TUSC3: variants seen among roughly 807,000 people sequenced by gnomAD.
TUSC3 encodes the protein dolichyl-diphosphooligosaccharide--protein glycosyltransferase subunit TUSC3.
TUSC3 carries 45 observed loss-of-function variants against 44.8 expected under a neutral mutation model. The ratio of observed to expected loss-of-function variants is 1.00; its 90% CI spans 0.79 to 1.29. TUSC3 has a LOEUF of 1.29. Ranked by LOEUF, TUSC3 falls within the 50% of genes most tolerant of loss-of-function variation. TUSC3 has a pLI of 0.00. For missense variants in TUSC3, 519 were observed against 437.9 expected (o/e 1.19, Z -1.65); for synonymous variants, 212 against 152.9 (o/e 1.39, Z -2.85).
chr8:15,438,366 G>GGT, intron 1 of TUSC3, among the ~76,000 whole-genome samples: 1 of 152,300 alleles, frequency 6.6e-6, no homozygotes, highest in Non-Finnish European at 1.5e-5. Flanking sequence ...AAAGTGCTGG[G>GGT]ATTACAGGCG....
At chr8:15,819,372 C>T in the TUSC3 span, among the ~76,000 whole-genome samples, 6 of 111,046 alleles carry the variant, frequency 5.4e-5, no homozygotes, top group South Asian at 1.5e-3. Context: ...CTCTTCCAAT[C>T]ATCTTGGTTT....
chr8:15,827,726 T>G, the TUSC3 span, among the ~76,000 whole-genome samples: 1 of 152,144 alleles, frequency 6.6e-6, no homozygotes, highest in Admixed American at 6.5e-5. Flanking sequence ...ACTGAACCAT[T>G]TGCCCCAGAA....
intron 6 of TUSC3, among the ~76,000 whole-genome samples, chr8:15,687,530 C>A (rs114181910): frequency 6.6e-6 from 1 of 152,118 alleles, no homozygotes; most frequent in East Asian, 1.9e-4. Flanking sequence ...CTGTTGTTGC[C>A]GCTCATTCCT....
At chr8:15,713,609 C>G (rs982416292) in intron 6 of TUSC3, among the ~76,000 whole-genome samples, 12 of 152,056 alleles carry the variant, frequency 7.9e-5, no homozygotes, top group African/African-American at 2.9e-4. Flanking sequence ...GTCAGCAGGG[C>G]GAGTTTGAGG....
chr8:15,662,019 A>G, intron 4 of TUSC3, 137 bp from the exon 5 acceptor site: 1 of 888,704 alleles, frequency 1.1e-6, no homozygotes, highest in Non-Finnish European at 1.8e-6. Context: ...GAATGAAAGT[A>G]GTGCTAGTGT....
At chr8:15,594,703 C>G (rs1434811923) in intron 1 of TUSC3, among the ~76,000 whole-genome samples, 1 of 152,172 alleles carries the variant, frequency 6.6e-6, no homozygotes, top group African/African-American at 2.4e-5. Context: ...GGCACTATTA[C>G]TGGTCCTCTG....
intron 1 of TUSC3, among the ~76,000 whole-genome samples, chr8:15,592,770 A>G (rs779627851): frequency 2.6e-5 from 4 of 152,166 alleles, no homozygotes; most frequent in African/African-American, 4.8e-5. Context: ...TACTGTTCTG[A>G]GTTCTTGTAA....
intron 2 of TUSC3, among the ~76,000 whole-genome samples, chr8:15,532,243 C>A (rs905044437): frequency 6.6e-6 from 1 of 152,008 alleles, no homozygotes; most frequent in Non-Finnish European, 1.5e-5. Context: ...TAAAGAATAA[C>A]AGATCAAAAA....
At position 15,637,149 on chromosome 8, in the gene TUSC3, G is replaced by T. The variant is rs561825054; in HGVS notation, c.309-13548G>T. Reference sequence around the variant, plus strand: ...TATTATATCGTAGTTTAAAATACCAGTTCTATTTCATTGTTTTGTTTTTCT... The same window carrying T: ...TATTATATCGTAGTTTAAAATACCATTTCTATTTCATTGTTTTGTTTTTCT... On this transcript the variant is annotated intron_variant, in intron 2 of 10. Transcript: ENST00000503731. Among the ~76,000 whole-genome samples the T allele has an allele frequency of 9.4e-4, 143 of 152,200 alleles. 1 individual carries two copies. The highest frequency in any genetic ancestry group is 3.2e-3 in the African/African-American group (131 of 41,548).
the TUSC3 span, among the ~76,000 whole-genome samples, chr8:15,840,245 G>A: frequency 1.3e-5 from 2 of 152,128 alleles, no homozygotes. Context: ...GGGAAGGAGG[G>A]AGGGAAAGCA....
intron 3 of TUSC3, among the ~76,000 whole-genome samples, chr8:15,656,975 G>A (rs1173273035): frequency 2.0e-5 from 3 of 152,190 alleles, no homozygotes; most frequent in Non-Finnish European, 4.4e-5. Context: ...GGGCAGCTGA[G>A]GAGCACTACA....
intron 5 of TUSC3, among the ~76,000 whole-genome samples, chr8:15,673,497 T>G (rs1449341134): frequency 6.6e-6 from 1 of 152,094 alleles, no homozygotes; most frequent in Non-Finnish European, 1.5e-5. Flanking sequence ...TTACATATGT[T>G]ATCCGATGTA....
intron 2 of TUSC3, among the ~76,000 whole-genome samples, chr8:15,638,794 G>A (rs1416360644): frequency 6.6e-6 from 1 of 152,158 alleles, no homozygotes; most frequent in Non-Finnish European, 1.5e-5. Context: ...CCAAAGTGCT[G>A]GGATTACAGG....
intron 2 of TUSC3, among the ~76,000 whole-genome samples, chr8:15,516,251 T>C (rs927594572): frequency 9.2e-5 from 14 of 152,216 alleles, no homozygotes; most frequent in African/African-American, 2.4e-5. Context: ...TAGTTAGTAT[T>C]AAAACAATTA....
chr8:15,803,242 A>T, the TUSC3 span, among the ~76,000 whole-genome samples: 1 of 152,316 alleles, frequency 6.6e-6, no homozygotes, highest in East Asian at 1.9e-4. Context: ...ATTTTGTGGC[A>T]ATTTTTCATC....
chr8:15,559,949 CTT>C (rs1322813311), intron 1 of TUSC3, among the ~76,000 whole-genome samples: 1 of 103,192 alleles, frequency 9.7e-6, no homozygotes, highest in Non-Finnish European at 2.0e-5. Context: ...GGTCTTGACT[CTT>C]TATCCAATTT....
intron 1 of TUSC3, among the ~76,000 whole-genome samples, chr8:15,447,828 T>C (rs112139550): frequency 2.6e-5 from 4 of 151,704 alleles, no homozygotes; most frequent in Non-Finnish European, 5.9e-5. Context: ...AGTGATACCA[T>C]GCGAGAACCC....
intron 2 of TUSC3, among the ~76,000 whole-genome samples, chr8:15,530,084 C>T (rs201260059): frequency 2.2e-5 from 3 of 134,918 alleles, no homozygotes; most frequent in Non-Finnish European, 4.6e-5. Flanking sequence ...CGCGCCCGGC[C>T]GAAAAAGTTT....
chr8:15,552,919 T>G (rs1165586379), intron 1 of TUSC3, among the ~76,000 whole-genome samples: 1 of 151,552 alleles, frequency 6.6e-6, no homozygotes. Context: ...TTGAAATTAG[T>G]TGTGGCAGTG....
Sources: allele counts gnomAD v4.1 joint callset (sites outside exome capture counted in the v4.1 genomes callset), GRCh38; gene constraint gnomAD v4.1.1; transcripts MANE v1.5; gene names NCBI Gene and HGNC (gene_info 2026-07-23, HGNC 2026-07-21).